KANK1: variants seen among roughly 807,000 people sequenced by gnomAD.
KANK1 encodes the protein KN motif and ankyrin repeat domain-containing protein 1.
A neutral mutation model predicts 106.2 loss-of-function variants in KANK1; 109 were observed. The observed-to-expected ratio is 1.03, with a 90% confidence interval of 0.88 to 1.20. The LOEUF is 1.20. Among genes scored for constraint, KANK1 ranks in the 50% most tolerant of loss-of-function variants. KANK1 has a pLI of 0.00. For missense variants in KANK1, 2,399 were observed against 1,710.7 expected, an observed-to-expected ratio of 1.40 and a Z score of -7.10; for synonymous variants, 873 against 652.2, an observed-to-expected ratio of 1.34 and a Z score of -5.16.
chr9:492,489 T>G (rs1177262580), intron 3 of KANK1, among the ~76,000 whole-genome samples: 1 of 152,202 alleles, frequency 6.6e-6, no homozygotes, highest in East Asian at 1.9e-4. Context: ...AGGCAACTAA[T>G]AAATGCATCC....
chr9:661,829 A>G (rs1451289429), intron 1 of KANK1, among the ~76,000 whole-genome samples: 1 of 151,860 alleles, frequency 6.6e-6, no homozygotes, highest in Non-Finnish European at 1.5e-5. Context: ...AACTGGTGTG[A>G]GATGGTATCT....
At chr9:571,087 C>G (rs539236027) in intron 1 of KANK1, among the ~76,000 whole-genome samples, 8 of 152,222 alleles carry the variant, frequency 5.3e-5, no homozygotes, top group African/African-American at 1.9e-4. Flanking sequence ...CAGTTTGCAC[C>G]TCTGTTGTGG....
intron 1 of KANK1, among the ~76,000 whole-genome samples, chr9:625,354 G>C (rs1452196395): frequency 6.6e-6 from 1 of 152,230 alleles, no homozygotes; most frequent in Non-Finnish European, 1.5e-5. Flanking sequence ...TTAAGAACTT[G>C]AGTCCAACAA....
chr9:560,595 A>C (rs993335795), intron 1 of KANK1, among the ~76,000 whole-genome samples: 1 of 152,244 alleles, frequency 6.6e-6, no homozygotes, highest in Non-Finnish European at 1.5e-5. Flanking sequence ...TATTTTTAAC[A>C]TGCCCATGTT....
intron 2 of KANK1, among the ~76,000 whole-genome samples, chr9:698,707 T>TA (rs1821915249): frequency 6.6e-6 from 1 of 152,156 alleles, no homozygotes; most frequent in East Asian, 1.9e-4. Context: ...ATCTTACTAT[T>TA]ACCACTTACC....
rs1238338164 is a variant in KANK1 at position 712,292 on chromosome 9, C to T, written c.1526C>T (p.Pro509Leu). The T allele has an allele frequency of 8.7e-6, 14 of 1,614,080 alleles. No homozygotes were observed. Among genetic ancestry groups the T allele is most frequent in the Admixed American group, 3.3e-5 (2 of 60,008 alleles). ...GTTGACAAAGCCACGATGGCCCAGCCGCTTGTTTTCAGTAAGGTGGTGGAG... is the reference window on the plus strand; with the variant it reads ...GTTGACAAAGCCACGATGGCCCAGCTGCTTGTTTTCAGTAAGGTGGTGGAG... Reference protein sequence around the residue: ...KKVDKATMAQPLVFSKVVEAV... With the variant: ...KKVDKATMAQLLVFSKVVEAV... Residue 509 changes from proline (P) to leucine (L), a missense_variant, in exon 3 of 12, where the codon CCG becomes CTG. Coordinates refer to ENST00000382297, the MANE Select transcript of KANK1 (RefSeq NM_015158.5).
chr9:644,173 G>C (rs564309642), intron 1 of KANK1, among the ~76,000 whole-genome samples: 1 of 150,936 alleles, frequency 6.6e-6, no homozygotes, highest in Non-Finnish European at 1.5e-5. Context: ...CTATAACAGA[G>C]GAAGCAGAAG....
intron 1 of KANK1, among the ~76,000 whole-genome samples, chr9:508,207 C>T (rs1368102988): frequency 7.6e-6 from 1 of 131,308 alleles, no homozygotes; most frequent in African/African-American, 2.8e-5. Context: ...GGGGTGATCT[C>T]AGCTCACTGC....
At chr9:606,178 CA>C (rs1829087198) in intron 1 of KANK1, among the ~76,000 whole-genome samples, 1 of 142,842 alleles carries the variant, frequency 7.0e-6, no homozygotes, top group Non-Finnish European at 1.6e-5. Flanking sequence ...CACACACACA[CA>C]CACCACTCAC....
chr9:645,115 C>A (rs1839360033), intron 1 of KANK1, among the ~76,000 whole-genome samples: 1 of 113,478 alleles, frequency 8.8e-6, no homozygotes, highest in South Asian at 2.7e-4. Flanking sequence ...CGGGGCAAGA[C>A]TCCATCTCTA....
intron 3 of KANK1, among the ~76,000 whole-genome samples, chr9:477,414 A>G (rs752066230): frequency 7.9e-5 from 12 of 152,184 alleles, no homozygotes; most frequent in African/African-American, 2.7e-4. Flanking sequence ...CTAGATTCCT[A>G]TCACTTCCAT....
chr9:530,885 G>T (rs559681127), intron 1 of KANK1, among the ~76,000 whole-genome samples: 35 of 152,306 alleles, frequency 2.3e-4, no homozygotes, highest in African/African-American at 7.9e-4. Context: ...CTACTTGGCA[G>T]GCTGAGGCTG....
At chr9:652,224 A>G (rs75394351) in intron 1 of KANK1, among the ~76,000 whole-genome samples, 27,597 of 152,066 alleles carry the variant, frequency 0.18, 2,753 homozygotes, top group East Asian at 0.32. Flanking sequence ...CATTCATCAG[A>G]GTGTTTGCAG....
chr9:475,199 G>A (rs979114257), intron 3 of KANK1, among the ~76,000 whole-genome samples: 1 of 152,200 alleles, frequency 6.6e-6, no homozygotes, highest in Non-Finnish European at 1.5e-5. Context: ...ATTGGTAAAT[G>A]ACCTTCCTGT....
chr9:688,978 G>A (rs1224599356), intron 2 of KANK1, among the ~76,000 whole-genome samples: 1 of 152,154 alleles, frequency 6.6e-6, no homozygotes, highest in Admixed American at 6.5e-5. Context: ...CCTCTTTTAG[G>A]TGTGAGGAGA....
At chr9:491,019 G>T (rs2058370442) in intron 3 of KANK1, among the ~76,000 whole-genome samples, 1 of 147,974 alleles carries the variant, frequency 6.8e-6, no homozygotes, top group African/African-American at 2.6e-5. Flanking sequence ...GCGTGCAGTG[G>T]TACAACCATG....
chr9:559,827 C>G (rs775010345), intron 1 of KANK1, among the ~76,000 whole-genome samples: 3 of 152,166 alleles, frequency 2.0e-5, no homozygotes, highest in South Asian at 2.1e-4. Flanking sequence ...CCATGTGCCC[C>G]AGTCTTATCT....
At chr9:674,407 GAGA>G in intron 1 of KANK1, 1 of 146,258 alleles carries the variant, frequency 6.8e-6, no homozygotes, top group Non-Finnish European at 1.5e-5. Flanking sequence ...AAAAGAGAGA[GAGA>G]AAAAAGGGTC....
intron 3 of KANK1, chr9:495,358 A>G (rs549682092): frequency 6.6e-6 from 1 of 152,338 alleles, no homozygotes; most frequent in African/African-American, 2.4e-5. Flanking sequence ...CCAGGTCTCA[A>G]TCAAATACAG....
Sources: gnomAD v4.1 joint callset for allele counts (sites outside exome capture counted in the v4.1 genomes callset) on GRCh38, gnomAD v4.1.1 for gene constraint, MANE v1.5 for transcripts, NCBI Gene and HGNC (gene_info 2026-07-23, HGNC 2026-07-21) for gene names.